BRINP2: variants seen among roughly 807,000 people sequenced by gnomAD.
BRINP2 encodes the protein BMP/retinoic acid-inducible neural-specific protein 2.
A neutral mutation model predicts 69.2 loss-of-function variants in BRINP2; 21 were observed. The ratio of observed to expected loss-of-function variants is 0.30; its 90% CI spans 0.22 to 0.44. The LOEUF (loss-of-function observed/expected upper bound fraction) is 0.44. Ranked by LOEUF, BRINP2 falls within the 20% of genes least tolerant of loss-of-function variation. BRINP2 has a pLI of 1.00. For missense variants in BRINP2, 877 were observed against 986.0 expected (o/e 0.89, Z 1.48); for synonymous variants, 380 against 394.1 (o/e 0.96, Z 0.42).
At position 177,278,650 on chromosome 1, in the gene BRINP2, G is replaced by T; in HGVS notation, c.1100G>T (p.Ser367Ile). 1 of 1,614,232 alleles carries T rather than the reference G, an allele frequency of 6.2e-7. No individual in the cohort carries two copies. Among genetic ancestry groups the T allele is most frequent in the Non-Finnish European group, 8.5e-7 (1 of 1,180,038 alleles). Residue 367 changes from serine to isoleucine, a missense_variant, in exon 7 of 8, where the codon AGC becomes ATC. Transcript: ENST00000361539. ...TCCCAGTTCTGGGCCATGGACACCA[G>T]CCTTCAGCACCGCTACCAGCAGCTG... ...AISQFWAMDT[S>I]LQHRYQQLGA...
intron 1 of BRINP2, among the ~76,000 whole-genome samples, chr1:177,189,156 T>C (rs927177722): frequency 1.3e-5 from 2 of 152,186 alleles, no homozygotes; most frequent in African/African-American, 4.8e-5. Context: ...TTATACATTG[T>C]ATGATCTTAA....
chr1:177,271,793 C>T (rs1195399717), intron 4 of BRINP2, among the ~76,000 whole-genome samples: 1 of 152,020 alleles, frequency 6.6e-6, no homozygotes, highest in Non-Finnish European at 1.5e-5. Context: ...ATTCAATTTC[C>T]CCTCCCTTCC....
rs765480879 is a variant in BRINP2, at chr1:177,276,430, G to A, written c.1008G>A (p.Glu336=). 6.2e-7 allele frequency: 1 copy of A among 1,613,962 alleles called. No individual in the cohort carries two copies. The highest frequency in any genetic ancestry group is 1.1e-5 in the South Asian group (1 of 91,078). Residue 336 remains glutamate (E), a synonymous_variant, in exon 6 of 8, where the codon GAG becomes GAA. Transcript: ENST00000361539. ...SWATHNRQFE[E]SEEFQALLKR... is the part of the protein sequence containing the mutation. Reference sequence around the variant, plus strand: ...CCACTCACAACCGGCAGTTTGAAGAGTCAGGTGAGCAGCCAGAATTCCTCC... The same window carrying A: ...CCACTCACAACCGGCAGTTTGAAGAATCAGGTGAGCAGCCAGAATTCCTCC...
At chr1:177,270,934 C>G (rs571260569) in intron 4 of BRINP2, among the ~76,000 whole-genome samples, 1 of 152,274 alleles carries the variant, frequency 6.6e-6, no homozygotes, top group African/African-American at 2.4e-5. Flanking sequence ...CTCTGCTTCC[C>G]CAGTCCAGTC....
In BRINP2 at chr1:177,281,159, C is replaced by G. The variant is rs759536092; in HGVS notation, c.1983C>G (p.Ile661Met). ...TGGATGACAGCTCCAATGAGACAAT[C>G]TACTATGAGCCCCTGGAGATGACTG... is the stretch of plus-strand genomic sequence containing the variant. ...KSLDDSSNET[I>M]YYEPLEMTDP... is the part of the protein sequence containing the mutation. The change falls in exon 8 of 8, where the codon ATC (isoleucine) becomes ATG (methionine). Residue 661 changes from isoleucine to methionine, a missense_variant. By Grantham distance (10) the Ile-to-Met change is conservative. Transcript: ENST00000361539. The G allele has an allele frequency of 6.2e-7, 1 of 1,614,098 alleles. No individual in the cohort carries two copies. Among genetic ancestry groups the G allele is most frequent in the Non-Finnish European group, 8.5e-7 (1 of 1,180,048 alleles).
intron 1 of BRINP2, among the ~76,000 whole-genome samples, chr1:177,185,840 T>C (rs569893688): frequency 1.2e-4 from 18 of 152,248 alleles, no homozygotes; most frequent in African/African-American, 4.3e-4. Context: ...CTAGTAGCAG[T>C]GTTCTGGAAA....
chr1:177,262,129 A>G (rs1373619691), intron 4 of BRINP2, among the ~76,000 whole-genome samples: 1 of 152,174 alleles, frequency 6.6e-6, no homozygotes, highest in Non-Finnish European at 1.5e-5. Flanking sequence ...TGGAAAAATG[A>G]GTGATAACTG....
intron 1 of BRINP2, among the ~76,000 whole-genome samples, chr1:177,200,067 G>C (rs1030987211): frequency 6.6e-6 from 1 of 151,966 alleles, no homozygotes; most frequent in Non-Finnish European, 1.5e-5. Flanking sequence ...TGAGGCAGGG[G>C]GATCATCTGT....
chr1:177,240,565 G>A (rs1442758265), intron 2 of BRINP2, among the ~76,000 whole-genome samples: 2 of 152,214 alleles, frequency 1.3e-5, no homozygotes, highest in Non-Finnish European at 2.9e-5. Flanking sequence ...GAGAGTCCCT[G>A]AATGTTGGCC....
chr1:177,195,669 A>T (rs577527587), intron 1 of BRINP2, among the ~76,000 whole-genome samples: 13 of 151,936 alleles, frequency 8.6e-5, no homozygotes, highest in African/African-American at 2.7e-4. Context: ...TGGGGGGGGA[A>T]TCAATCCCTG....
At chr1:177,181,169 A>T (rs1015207403) in intron 1 of BRINP2, among the ~76,000 whole-genome samples, 1 of 152,280 alleles carries the variant, frequency 6.6e-6, no homozygotes, top group African/African-American at 2.4e-5. Context: ...CAAGTGTTGC[A>T]GGATGAATTA....
chr1:177,268,718 T>C (rs1465517045), intron 4 of BRINP2, among the ~76,000 whole-genome samples: 1 of 152,044 alleles, frequency 6.6e-6, no homozygotes, highest in Non-Finnish European at 1.5e-5. Flanking sequence ...AGACACTAGG[T>C]CTTAGAGCAG....
rs761245931 is a variant in BRINP2 at position 177,276,186 on chromosome 1, T to A, written c.776-12T>A. On this transcript the variant is annotated splice_polypyrimidine_tract_variant and intron_variant, in intron 5 of 7. Transcript: ENST00000361539. Reference sequence around the variant, plus strand: ...TTCTTCCCAGAGATTCCTTGACACATCCTTTCCCCAGGCCTTCAGGTGCTG... The same window carrying A: ...TTCTTCCCAGAGATTCCTTGACACAACCTTTCCCCAGGCCTTCAGGTGCTG... The A allele has an allele frequency of 6.8e-6, 11 of 1,607,552 alleles. No homozygotes were observed. Among genetic ancestry groups the A allele is most frequent in the African/African-American group, 6.7e-5 (5 of 74,840 alleles).
At chr1:177,214,712 T>C (rs1649326263) in intron 1 of BRINP2, among the ~76,000 whole-genome samples, 1 of 152,226 alleles carries the variant, frequency 6.6e-6, no homozygotes, top group Admixed American at 6.5e-5. Flanking sequence ...AGCAAACTCT[T>C]ACATGGGGCT....
intron 1 of BRINP2, among the ~76,000 whole-genome samples, chr1:177,199,061 A>G (rs572130224): frequency 6.6e-6 from 1 of 152,270 alleles, no homozygotes; most frequent in South Asian, 2.1e-4. Flanking sequence ...AAAAAAAGCC[A>G]CCCTTCAAGA....
intron 1 of BRINP2, among the ~76,000 whole-genome samples, chr1:177,182,435 G>T (rs1366166583): frequency 6.6e-6 from 1 of 152,070 alleles, no homozygotes; most frequent in Non-Finnish European, 1.5e-5. Context: ...GAGAGGAATT[G>T]TAGGCCCTTC....
chr1:177,226,532 T>C (rs1024708240), intron 1 of BRINP2, among the ~76,000 whole-genome samples: 1 of 152,210 alleles, frequency 6.6e-6, no homozygotes, highest in Non-Finnish European at 1.5e-5. Context: ...ATCTTTTATG[T>C]GTCTGCATTA....
chr1:177,216,864 C>T (rs1348449256), intron 1 of BRINP2, among the ~76,000 whole-genome samples: 1 of 148,682 alleles, frequency 6.7e-6, no homozygotes, highest in Non-Finnish European at 1.5e-5. Flanking sequence ...GAGAAGTTTG[C>T]TGATAGTTTT....
intron 2 of BRINP2, among the ~76,000 whole-genome samples, chr1:177,237,776 G>A (rs1470345129): frequency 6.6e-6 from 1 of 152,126 alleles, no homozygotes; most frequent in Non-Finnish European, 1.5e-5. Context: ...TTGCTTCTTA[G>A]AGACGTGTGT....
Sources: allele counts gnomAD v4.1 joint callset (sites outside exome capture counted in the v4.1 genomes callset), GRCh38; gene constraint gnomAD v4.1.1; transcripts MANE v1.5; gene names NCBI Gene and HGNC (gene_info 2026-07-23, HGNC 2026-07-21).